Variants in MINDY4 observed in about 807,000 individuals in gnomAD.
The protein encoded by MINDY4 is MINDY lysine 48 deubiquitinase 4.
MINDY4 carries 68 observed loss-of-function variants against 87.0 expected under a neutral mutation model. The ratio of observed to expected loss-of-function variants is 0.78; its 90% CI spans 0.64 to 0.96. The LOEUF is 0.96. Ranked by LOEUF, MINDY4 falls within the 40% of genes least tolerant of loss-of-function variation. MINDY4 has a pLI of 0.00. For missense variants in MINDY4, 919 were observed against 928.2 expected (o/e 0.99, Z 0.13); for synonymous variants, 379 against 363.2 (o/e 1.04, Z -0.50).
At chr7:30,823,805 T>A (rs187618118) in intron 5 of MINDY4, among the ~76,000 whole-genome samples, 23 of 152,298 alleles carry the variant, frequency 1.5e-4, no homozygotes, top group Middle Eastern at 3.4e-3. Context: ...TTGAGCATAT[T>A]TTAGTAGGAC....
intron 17 of MINDY4, among the ~76,000 whole-genome samples, 175 bp downstream of exon 17, chr7:30,883,168 T>TC (rs1419673403): frequency 6.6e-6 from 1 of 152,116 alleles, no homozygotes; most frequent in Non-Finnish European, 1.5e-5. Flanking sequence ...GGGGCCCAGG[T>TC]TCAGGAGTGT....
Position 30,836,592 on chromosome 7 carries a change from G to T in MINDY4, c.1133-66G>T, listed in dbSNP as rs1384219169. The stretch of plus-strand genomic sequence containing the variant: ...AACTTAGCAATGTCTGTGGTGTTCA[G>T]TGACTTCATGTTCTGTTCTCCGTGA... On this transcript the variant is annotated intron_variant, in intron 6 of 17. Transcript: ENST00000265299. The T allele has an allele frequency of 7.0e-6, 9 of 1,288,126 alleles. No homozygotes were observed. The East Asian group carries it at 2.1e-4, about 30-fold the overall frequency. The allele number at this position is 1,288,126 out of a possible 1,614,324, so 79.8% of individuals were successfully genotyped here. A position where few individuals can be genotyped will look rare whatever the true frequency, so the allele number is the denominator to read the frequency against.
intron 9 of MINDY4, among the ~76,000 whole-genome samples, chr7:30,847,070 C>T (rs573045080): frequency 2.6e-5 from 4 of 152,258 alleles, no homozygotes; most frequent in East Asian, 1.9e-4. Flanking sequence ...GCTTTGGGGG[C>T]ATCTGACCCA....
chr7:30,826,406 G>A (rs1288524400), intron 5 of MINDY4, among the ~76,000 whole-genome samples: 1 of 152,194 alleles, frequency 6.6e-6, no homozygotes, highest in Non-Finnish European at 1.5e-5. Flanking sequence ...CTTTGGAGCT[G>A]AGAAGAAGCT....
At chr7:30,835,190 C>G (rs1408169544) in intron 6 of MINDY4, among the ~76,000 whole-genome samples, 3 of 152,208 alleles carry the variant, frequency 2.0e-5, no homozygotes, top group African/African-American at 4.8e-5. Flanking sequence ...GTTTATTGGA[C>G]TTTAAATTGC....
In MINDY4 at chr7:30,883,056, G is replaced by T. The variant is rs1200874646; in HGVS notation, c.2225+63G>T. ...GAATAGCTTTGAGGAGCCATGGTTG[G>T]GGGTGGTCAGGCCTGCAGGAAGGCA... On this transcript the variant is annotated intron_variant, in intron 17 of 17. Transcript: ENST00000265299. The T allele has an allele frequency of 2.6e-6, 4 of 1,527,808 alleles. No individual in the cohort carries two copies. The East Asian group carries it at 6.8e-5, about 26-fold the overall frequency. The allele number at this position is 1,527,808 out of a possible 1,614,324, so 94.6% of individuals were successfully genotyped here.
At chr7:30,844,114 T>C (rs959081576) in intron 9 of MINDY4, among the ~76,000 whole-genome samples, 1 of 152,130 alleles carries the variant, frequency 6.6e-6, no homozygotes, top group African/African-American at 2.4e-5. Flanking sequence ...GTGCTGCTTG[T>C]AGCCCACCCC....
At chr7:30,884,911 C>T (rs570776363) in intron 17 of MINDY4, among the ~76,000 whole-genome samples, 23 of 152,300 alleles carry the variant, frequency 1.5e-4, no homozygotes, top group African/African-American at 5.5e-4. Context: ...CTTCTATTGG[C>T]TGCCTTCATC....
intron 3 of MINDY4, among the ~76,000 whole-genome samples, chr7:30,782,454 C>A (rs1487082282): frequency 6.6e-6 from 1 of 152,008 alleles, no homozygotes; most frequent in African/African-American, 2.4e-5. Flanking sequence ...GTAATCCCAG[C>A]ACTTTGGGAG....
intron 3 of MINDY4, 45 bp from the exon 4 acceptor site, chr7:30,785,704 T>G: frequency 6.2e-7 from 1 of 1,605,702 alleles, no homozygotes; most frequent in East Asian, 2.2e-5. Flanking sequence ...TGTTACTGAT[T>G]CCTTTTGGGG....
intron 17 of MINDY4, among the ~76,000 whole-genome samples, chr7:30,885,822 C>T (rs1790618688): frequency 6.6e-6 from 1 of 151,996 alleles, no homozygotes; most frequent in Non-Finnish European, 1.5e-5. Flanking sequence ...ATTAGCTATC[C>T]CCTCATCCCC....
chr7:30,875,808 A>T, intron 15 of MINDY4, 152 bp downstream of exon 15: 1 of 826,174 alleles, frequency 1.2e-6, no homozygotes, highest in Non-Finnish European at 1.9e-6. Context: ...GAAGAAGTAC[A>T]GCTTCTCTGC....
intron 4 of MINDY4, 24 bp from the exon 5 acceptor site, chr7:30,791,140 CT>C (rs1431919628): frequency 2.5e-6 from 4 of 1,572,306 alleles, no homozygotes; most frequent in Non-Finnish European, 3.5e-6. Context: ...AGGGTCCTCA[CT>C]GCTTTTGTCC....
intron 13 of MINDY4, among the ~76,000 whole-genome samples, chr7:30,864,518 C>CA (rs1789867998): frequency 6.6e-6 from 1 of 152,248 alleles, no homozygotes. Context: ...TTTGTCTCTT[C>CA]ACTTTTGGCT....
chr7:30,843,349 G>T (rs1018495645), intron 9 of MINDY4, among the ~76,000 whole-genome samples: 1 of 152,188 alleles, frequency 6.6e-6, no homozygotes, highest in Non-Finnish European at 1.5e-5. Flanking sequence ...GTAGTGGCAG[G>T]TCAGCGCCAG....
chr7:30,882,838 G>A lies in MINDY4; in HGVS notation c.2153-83G>A, dbSNP rs1313042839. ...GAGGGGACAGGGACTAGAAGGGGGC[G>A]GGTCTCGGGAGTGGTCAGCGCTGAC... On this transcript the variant is annotated intron_variant, in intron 16 of 17. Coordinates refer to ENST00000265299, the MANE Select transcript of MINDY4 (RefSeq NM_032222.3). 3.6e-5 allele frequency: 43 copies of A among 1,210,020 alleles called. No homozygotes were observed. In the East Asian group the frequency reaches 7.3e-4, roughly 21 times the overall value. The allele number at this position is 1,210,020 out of a possible 1,614,324, so 75.0% of individuals were successfully genotyped here.
At chr7:30,823,829 T>TA (rs1788415766) in intron 5 of MINDY4, among the ~76,000 whole-genome samples, 1 of 152,030 alleles carries the variant, frequency 6.6e-6, no homozygotes, top group Non-Finnish European at 1.5e-5. Flanking sequence ...AAAAAACAAA[T>TA]AAAAAAACAA....
intron 7 of MINDY4, 107 bp from the exon 8 acceptor site, chr7:30,839,093 C>A: frequency 1.5e-6 from 1 of 662,786 alleles, no homozygotes. Context: ...AGAAAATGGG[C>A]TTCCCTGCTA....
intron 4 of MINDY4, among the ~76,000 whole-genome samples, chr7:30,788,885 A>AT (rs35883328): frequency 0.032 from 4,797 of 152,196 alleles, 268 homozygotes; most frequent in African/African-American, 0.11. Flanking sequence ...AAAATGAATA[A>AT]TTTTTGTGTC....
Sources: gnomAD v4.1 joint callset for allele counts (sites outside exome capture counted in the v4.1 genomes callset) on GRCh38, gnomAD v4.1.1 for gene constraint, MANE v1.5 for transcripts, NCBI Gene and HGNC (gene_info 2026-07-23, HGNC 2026-07-21) for gene names.